Variants in CMIP observed in about 807,000 individuals in gnomAD.
CMIP encodes C-Maf-inducing protein.
Under a neutral mutation model 97.3 loss-of-function variants are expected in CMIP, and 13 were observed. The ratio of observed to expected loss-of-function variants is 0.13; its 90% CI spans 0.09 to 0.21. The LOEUF is 0.21. Ranked by LOEUF, CMIP falls within the 10% of genes least tolerant of loss-of-function variation. The pLI is 1.00. For missense variants in CMIP, 847 were observed against 1,024.9 expected (o/e 0.83, Z 2.37); for synonymous variants, 538 against 436.3 (o/e 1.23, Z -2.91).
rs3808611 is a variant in CMIP, at chr16:81,706,700, C to T, written c.2198-314C>T. 3.9e-4 allele frequency among the ~76,000 whole-genome samples: 59 copies of T among 152,306 alleles called. No homozygotes were observed. In the East Asian group the frequency reaches 0.01, roughly 26 times the overall value. On this transcript the variant is annotated intron_variant, in intron 19 of 20. Transcript: ENST00000537098. ...TTAGTGGGGAGGCCTCGGGCCTGATCTGGGGTGTGGCAGGCAAGCTCTGGG... is the reference window on the plus strand; with the variant it reads ...TTAGTGGGGAGGCCTCGGGCCTGATTTGGGGTGTGGCAGGCAAGCTCTGGG...
chr16:81,648,077 C>T (rs555131664), intron 3 of CMIP, among the ~76,000 whole-genome samples: 1 of 149,610 alleles, frequency 6.7e-6, no homozygotes, highest in East Asian at 2.0e-4. Context: ...GTTACCTGGC[C>T]TCCACTCTCA....
chr16:81,509,376 G>C (rs2089769012), intron 1 of CMIP, among the ~76,000 whole-genome samples: 1 of 152,216 alleles, frequency 6.6e-6, no homozygotes, highest in Non-Finnish European at 1.5e-5. Flanking sequence ...CTTGCTTCCT[G>C]TCACCTAGCT....
intron 1 of CMIP, among the ~76,000 whole-genome samples, chr16:81,543,940 A>T (rs1344598001): frequency 2.6e-5 from 4 of 152,256 alleles, no homozygotes; most frequent in Non-Finnish European, 5.9e-5. Flanking sequence ...TTATCGGGAA[A>T]AGGTTTATCT....
chr16:81,538,125 C>G (rs2090380893), intron 1 of CMIP, among the ~76,000 whole-genome samples: 1 of 152,216 alleles, frequency 6.6e-6, no homozygotes, highest in African/African-American at 2.4e-5. Context: ...TGTACCCATT[C>G]TTAGATGGGG....
At chr16:81,572,706 G>A (rs902732065) in intron 1 of CMIP, among the ~76,000 whole-genome samples, 1 of 152,130 alleles carries the variant, frequency 6.6e-6, no homozygotes, top group African/African-American at 2.4e-5. Context: ...TTGATCGCTG[G>A]CCCTGCTTGC....
chr16:81,548,295 G>T (rs183475726), intron 1 of CMIP, among the ~76,000 whole-genome samples: 9 of 152,046 alleles, frequency 5.9e-5, no homozygotes, highest in South Asian at 4.2e-4. Flanking sequence ...CACCACTCCT[G>T]GCTAATTTTT....
At chr16:81,709,559 C>T (rs1473659144) in intron 20 of CMIP, among the ~76,000 whole-genome samples, 187 bp from the exon 21 acceptor site, 6 of 152,230 alleles carry the variant, frequency 3.9e-5, no homozygotes, top group Admixed American at 1.3e-4. Flanking sequence ...GGGGCCAGGG[C>T]ACATCCCACC....
chr16:81,460,815 C>A (rs960431916), intron 1 of CMIP, among the ~76,000 whole-genome samples: 6 of 152,168 alleles, frequency 3.9e-5, no homozygotes, highest in Admixed American at 6.5e-5. Context: ...AAATTTGCCC[C>A]CTGCAAAGCA....
At chr16:81,603,326 C>G (rs2091688823) in intron 1 of CMIP, 2 of 451,068 alleles carry the variant, frequency 4.4e-6, no homozygotes, top group Non-Finnish European at 8.9e-6. Flanking sequence ...TCATGATCCG[C>G]CCACCTTGGC....
At chr16:81,605,408 A>G (rs1419885486) in intron 1 of CMIP, among the ~76,000 whole-genome samples, 3 of 151,530 alleles carry the variant, frequency 2.0e-5, no homozygotes, top group Non-Finnish European at 4.4e-5. Context: ...GCTCACCTGG[A>G]CCTGTGCAGC....
At chr16:81,650,657 A>T (rs1258150375) in intron 3 of CMIP, among the ~76,000 whole-genome samples, 1 of 152,150 alleles carries the variant, frequency 6.6e-6, no homozygotes, top group Non-Finnish European at 1.5e-5. Flanking sequence ...GTTTTTCAAG[A>T]GACAGATTCA....
At chr16:81,481,733 G>T (rs1028198852) in intron 1 of CMIP, among the ~76,000 whole-genome samples, 5 of 152,114 alleles carry the variant, frequency 3.3e-5, no homozygotes, top group Admixed American at 6.5e-5. Context: ...TAAAGTTGAG[G>T]TGTTGTCTTT....
At chr16:81,650,913 G>A (rs528311945) in intron 3 of CMIP, among the ~76,000 whole-genome samples, 3 of 152,282 alleles carry the variant, frequency 2.0e-5, no homozygotes, top group East Asian at 3.9e-4. Context: ...CTCACCGACA[G>A]AAGTAACCGT....
intron 2 of CMIP, among the ~76,000 whole-genome samples, chr16:81,610,900 G>A (rs554712490): frequency 6.6e-6 from 1 of 152,098 alleles, no homozygotes; most frequent in Admixed American, 6.5e-5. Flanking sequence ...TCCCAGAGCC[G>A]TGGTGTCACA....
At chr16:81,533,724 C>G (rs1165775257) in intron 1 of CMIP, among the ~76,000 whole-genome samples, 4 of 152,184 alleles carry the variant, frequency 2.6e-5, no homozygotes, top group Non-Finnish European at 5.9e-5. Flanking sequence ...GGCAGTCCAC[C>G]TGCCTCTGCC....
At chr16:81,585,673 C>T (rs1356148485) in intron 1 of CMIP, among the ~76,000 whole-genome samples, 2 of 126,814 alleles carry the variant, frequency 1.6e-5, no homozygotes, top group Non-Finnish European at 3.6e-5. Context: ...CACCGCATGG[C>T]ACAGTACCTT....
chr16:81,613,118 A>G (rs2091858821), intron 2 of CMIP, among the ~76,000 whole-genome samples: 2 of 152,216 alleles, frequency 1.3e-5, no homozygotes, highest in African/African-American at 4.8e-5. Context: ...AGGAACGAGC[A>G]GTTTACAGTC....
At chr16:81,561,879 T>C (rs1452966224) in intron 1 of CMIP, among the ~76,000 whole-genome samples, 1 of 152,202 alleles carries the variant, frequency 6.6e-6, no homozygotes, top group Non-Finnish European at 1.5e-5. Context: ...ATTTCCACCA[T>C]CCCAGACTTC....
intron 15 of CMIP, among the ~76,000 whole-genome samples, chr16:81,700,356 C>T (rs1907255772): frequency 6.6e-6 from 1 of 152,100 alleles, no homozygotes; most frequent in Non-Finnish European, 1.5e-5. Flanking sequence ...GCTGCTGCTC[C>T]TCTCTCTCCC....
Sources: allele counts gnomAD v4.1 joint callset (sites outside exome capture counted in the v4.1 genomes callset), GRCh38; gene constraint gnomAD v4.1.1; transcripts MANE v1.5; gene names NCBI Gene and HGNC (gene_info 2026-07-23, HGNC 2026-07-21).